RASGRF2: variants seen among roughly 807,000 people sequenced by gnomAD.
RASGRF2 encodes ras-specific guanine nucleotide-releasing factor 2.
Under a neutral mutation model 151.0 loss-of-function variants are expected in RASGRF2, and 76 were observed. That is an observed-to-expected ratio of 0.50 (90% CI 0.42 to 0.61). The LOEUF is 0.61. Among genes scored for constraint, RASGRF2 ranks in the 20% least tolerant of loss-of-function variants. RASGRF2 has a pLI of 0.00. For missense variants in RASGRF2, 1,148 were observed against 1,564.6 expected (o/e 0.73, Z 4.49); for synonymous variants, 504 against 566.5 (o/e 0.89, Z 1.57).
intron 12 of RASGRF2, among the ~76,000 whole-genome samples, chr5:81,101,785 A>G (rs577828030): frequency 2.0e-5 from 3 of 152,200 alleles, no homozygotes; most frequent in Non-Finnish European, 4.4e-5. Flanking sequence ...GATTGAATGT[A>G]TATTTTGTTC....
chr5:81,162,528 T>TTTTTTTTTTTTTTG (rs1561238582), intron 17 of RASGRF2, among the ~76,000 whole-genome samples: 2 of 149,690 alleles, frequency 1.3e-5, no homozygotes, highest in African/African-American at 4.9e-5. Flanking sequence ...TTGTATATTT[T>TTTTTTTTTTTTTTG]AGTAGAGACG....
chr5:81,087,012 C>T (rs1752251216), intron 9 of RASGRF2, 59 bp downstream of exon 9: 10 of 1,448,736 alleles, frequency 6.9e-6, no homozygotes, highest in Non-Finnish European at 9.7e-6. Context: ...CACATGATCT[C>T]GGCACACCCC....
chr5:81,181,060 C>G (rs926623948), intron 18 of RASGRF2, among the ~76,000 whole-genome samples: 6 of 152,116 alleles, frequency 3.9e-5, no homozygotes, highest in African/African-American at 9.7e-5. Flanking sequence ...CTGCCTGGCT[C>G]AGAGCAGAAC....
At chr5:81,168,726 T>G (rs1754573975) in intron 17 of RASGRF2, among the ~76,000 whole-genome samples, 1 of 152,210 alleles carries the variant, frequency 6.6e-6, no homozygotes, top group Non-Finnish European at 1.5e-5. Context: ...CATCACCTTC[T>G]TTTTCCCCTC....
At chr5:81,026,441 G>T (rs761930722) in intron 1 of RASGRF2, among the ~76,000 whole-genome samples, 6 of 152,036 alleles carry the variant, frequency 3.9e-5, no homozygotes, top group Non-Finnish European at 8.8e-5. Context: ...CCTCAGTCCT[G>T]TCTGGGATTT....
At chr5:80,997,425 C>T (rs1748919641) in intron 1 of RASGRF2, 1 of 152,170 alleles carries the variant, frequency 6.6e-6, no homozygotes, top group African/African-American at 2.4e-5. Context: ...CTTACAGCAA[C>T]CACAGTTAAA....
intron 1 of RASGRF2, among the ~76,000 whole-genome samples, chr5:81,005,247 C>T (rs1749226997): frequency 6.6e-6 from 1 of 152,090 alleles, no homozygotes; most frequent in African/African-American, 2.4e-5. Context: ...TTCACCATGG[C>T]TGGGGAGGCC....
At chr5:81,174,470 G>A (rs1468846794) in intron 17 of RASGRF2, among the ~76,000 whole-genome samples, 1 of 152,214 alleles carries the variant, frequency 6.6e-6, no homozygotes, top group Non-Finnish European at 1.5e-5. Flanking sequence ...TCAGGCAGAG[G>A]TGGAGAGGCT....
Position 81,022,878 on chromosome 5 carries a change from G to A in RASGRF2, c.289-19999G>A, listed in dbSNP as rs535766596. Reference sequence around the variant, plus strand: ...TGCTATCCCAGTGACAAAGGGTTGCGTCAGTGGGTCTAGTTCTAGGTGAGG... The same window carrying A: ...TGCTATCCCAGTGACAAAGGGTTGCATCAGTGGGTCTAGTTCTAGGTGAGG... On this transcript the variant is annotated intron_variant, in intron 1 of 26. Coordinates refer to ENST00000265080, the MANE Select transcript of RASGRF2 (RefSeq NM_006909.3). 7.7e-4 allele frequency among the ~76,000 whole-genome samples: 117 copies of A among 152,298 alleles called. 1 individual carries two copies. Among genetic ancestry groups the A allele is most frequent in the South Asian group, 7.3e-3 (35 of 4,820 alleles).
intron 12 of RASGRF2, among the ~76,000 whole-genome samples, chr5:81,097,805 A>G (rs150823157): frequency 1.4e-3 from 209 of 152,334 alleles, no homozygotes; most frequent in Middle Eastern, 3.4e-3. Flanking sequence ...AAGAAAGTCA[A>G]TGAGGTAACA....
intron 17 of RASGRF2, among the ~76,000 whole-genome samples, chr5:81,160,495 C>G (rs1754356555): frequency 1.3e-5 from 2 of 151,644 alleles, no homozygotes; most frequent in Non-Finnish European, 2.9e-5. Flanking sequence ...TACAGTGAAA[C>G]CCCATCTCTA....
At position 81,055,291 on chromosome 5, in the gene RASGRF2, G is replaced by T. The variant is rs539371956; in HGVS notation, c.395+12308G>T. On this transcript the variant is annotated intron_variant, in intron 2 of 26. Transcript: ENST00000265080. ...TCATAGATAGCTCTTATTATTTTGA[G>T]ATACGTCCCATCAATACCTAATTTA... Among the ~76,000 whole-genome samples the T allele has an allele frequency of 1.1e-4, 17 of 152,226 alleles. No homozygotes were observed. In the South Asian group the frequency reaches 1.7e-3, roughly 15 times the overall value.
At chr5:81,199,093 A>T (rs940916026) in intron 18 of RASGRF2, among the ~76,000 whole-genome samples, 1 of 152,220 alleles carries the variant, frequency 6.6e-6, no homozygotes, top group Non-Finnish European at 1.5e-5. Flanking sequence ...GGAAAATTTC[A>T]GATTGGCAGA....
chr5:81,140,991 T>G (rs1452595689), intron 17 of RASGRF2, among the ~76,000 whole-genome samples: 1 of 27,090 alleles, frequency 3.7e-5, no homozygotes, highest in African/African-American at 6.3e-5. Context: ...TTTTCTCTGG[T>G]TTTTTTTTTT....
chr5:81,167,871 G>A (rs1754549212), intron 17 of RASGRF2, among the ~76,000 whole-genome samples: 1 of 152,158 alleles, frequency 6.6e-6, no homozygotes, highest in Non-Finnish European at 1.5e-5. Flanking sequence ...TGGTGCTGCT[G>A]GGACTCACAG....
At chr5:81,207,030 C>T (rs1755523400) in intron 20 of RASGRF2, 125 bp downstream of exon 20, 1 of 900,244 alleles carries the variant, frequency 1.1e-6, no homozygotes, top group Non-Finnish European at 1.8e-6. Context: ...CTGTGAAGCT[C>T]TGTGAGATGA....
In RASGRF2 at chr5:81,080,508, G is replaced by T; in HGVS notation, c.968-88G>T. 3.0e-6 allele frequency: 4 copies of T among 1,341,578 alleles called. No individual in the cohort carries two copies. In the South Asian group the frequency reaches 4.0e-5, roughly 13 times the overall value. 83.1% of individuals were successfully genotyped at this position (1,341,578 alleles called of 1,614,324 possible). On this transcript the variant is annotated intron_variant, in intron 6 of 26. Coordinates refer to ENST00000265080, the MANE Select transcript of RASGRF2 (RefSeq NM_006909.3). Reference sequence around the variant, plus strand: ...GCTCCATGCATGTGTGACACCTGGTGCTGGGACCCACTCTTTGCCATTCCT... The same window carrying T: ...GCTCCATGCATGTGTGACACCTGGTTCTGGGACCCACTCTTTGCCATTCCT...
At chr5:81,106,402 T>C (rs1752847375) in intron 12 of RASGRF2, among the ~76,000 whole-genome samples, 1 of 152,190 alleles carries the variant, frequency 6.6e-6, no homozygotes, top group Non-Finnish European at 1.5e-5. Flanking sequence ...CTCGTTTCCA[T>C]TGAACGAATA....
chr5:81,093,640 C>T (rs1752454711), intron 10 of RASGRF2, among the ~76,000 whole-genome samples: 1 of 152,166 alleles, frequency 6.6e-6, no homozygotes, highest in Non-Finnish European at 1.5e-5. Flanking sequence ...GTCTTGAACT[C>T]CTGGCATCAA....
Sources: allele counts gnomAD v4.1 joint callset (sites outside exome capture counted in the v4.1 genomes callset), GRCh38; gene constraint gnomAD v4.1.1; transcripts MANE v1.5; gene names NCBI Gene and HGNC (gene_info 2026-07-23, HGNC 2026-07-21).